FAM156A: variants seen among roughly 807,000 people sequenced by gnomAD.
FAM156A encodes the protein protein FAM156A/FAM156B.
chrX:52,984,975 A>T (rs1556794131), intron 1 of FAM156A, among the ~76,000 whole-genome samples: 1 of 111,718 alleles, frequency 9.0e-6, no homozygotes, highest in Non-Finnish European at 1.9e-5. Flanking sequence ...ATTCTCTCTC[A>T]GTAATATATA....
At chrX:52,973,392 A>T (rs1929187696) in intron 1 of FAM156A, among the ~76,000 whole-genome samples, 1 of 110,063 alleles carries the variant, frequency 9.1e-6, no homozygotes, top group South Asian at 3.9e-4. Context: ...CTACATACAG[A>T]GGAACAAATT....
intron 1 of FAM156A, among the ~76,000 whole-genome samples, chrX:52,990,201 G>A (rs1163068616): frequency 9.0e-6 from 1 of 111,285 alleles, no homozygotes; most frequent in East Asian, 2.8e-4. Context: ...AGGCTTTCCC[G>A]GTCTTGGAGA....
Position 52,986,182 on chromosome X carries a change from T to C in FAM156A, c.-434+9124A>G, listed in dbSNP as rs1480124353. 2.8e-5 allele frequency among the ~76,000 whole-genome samples: 3 copies of C among 108,642 alleles called. No individual in the cohort carries two copies. In the East Asian group the frequency reaches 8.5e-4, roughly 31 times the overall value. The allele number at this position is 108,642 out of a possible 115,157, so 94.3% of individuals were successfully genotyped here. The stretch of plus-strand genomic sequence containing the variant: ...AATGGTATTTCTAGTTCTAGATCCC[T>C]GAGGAATCGCCACACTGACTTCCCT... On this transcript the variant is annotated intron_variant, in intron 1 of 4. Transcript: ENST00000610625.
At chrX:52,982,883 C>T (rs1930007954) in intron 1 of FAM156A, among the ~76,000 whole-genome samples, 1 of 113,115 alleles carries the variant, frequency 8.8e-6, no homozygotes, top group South Asian at 3.6e-4. Context: ...CTGGTGACAG[C>T]TCTGCATTGA....
intron 1 of FAM156A, among the ~76,000 whole-genome samples, chrX:52,990,419 G>A (rs914526067): frequency 9.0e-6 from 1 of 111,486 alleles, no homozygotes; most frequent in Admixed American, 9.6e-5. Flanking sequence ...TGGAGGGGTT[G>A]TAGGATGTGG....
rs1556793467 is a variant in FAM156A at position 52,981,827 on chromosome X, T to TGC, written c.-434+13478_-434+13479insGC. Among the ~76,000 whole-genome samples, 52 of 110,474 alleles carry TGC rather than the reference T, an allele frequency of 4.7e-4. No individual in the cohort carries two copies. The East Asian group carries it at 0.012, about 26-fold the overall frequency. On this transcript the variant is annotated intron_variant, in intron 1 of 4. Transcript: ENST00000610625. Reference sequence around the variant, plus strand: ...TTTAGGAAGGCTGAATGAGGAGCTTTTTTTTTTTTTCAGGAAAAGGGGAAG... The same window carrying TGC: ...TTTAGGAAGGCTGAATGAGGAGCTTTGCTTTTTTTTTTCAGGAAAAGGGGAAG...
chrX:52,985,994 T>C (rs1930247141), intron 1 of FAM156A, among the ~76,000 whole-genome samples: 2 of 110,931 alleles, frequency 1.8e-5, no homozygotes, highest in South Asian at 7.5e-4. Flanking sequence ...TATTAAAAGA[T>C]GGAATTTTCT....
chrX:52,981,824 CT>C (rs1277409823), intron 1 of FAM156A, among the ~76,000 whole-genome samples: 84 of 100,758 alleles, frequency 8.3e-4, no homozygotes, highest in East Asian at 1.5e-3. Flanking sequence ...GAATGAGGAG[CT>C]TTTTTTTTTT....
At chrX:52,978,969 C>T (rs1222119695) in intron 1 of FAM156A, among the ~76,000 whole-genome samples, 3 of 112,130 alleles carry the variant, frequency 2.7e-5, no homozygotes, top group Non-Finnish European at 5.6e-5. Flanking sequence ...GAACTCACAC[C>T]CAGTGAGTCT....
intron 1 of FAM156A, among the ~76,000 whole-genome samples, chrX:52,993,020 C>T (rs1556795919): frequency 1.8e-5 from 2 of 111,610 alleles, no homozygotes; most frequent in Non-Finnish European, 3.8e-5. Context: ...AGCAGGAGAG[C>T]AGGCTCAGGG....
At chrX:52,984,622 C>T (rs1459653616) in intron 1 of FAM156A, among the ~76,000 whole-genome samples, 2 of 111,852 alleles carry the variant, frequency 1.8e-5, no homozygotes, top group South Asian at 7.4e-4. Flanking sequence ...AATCCCAGAA[C>T]TTTGGGAGGC....
At chrX:52,987,846 G>T (rs375775957) in intron 1 of FAM156A, among the ~76,000 whole-genome samples, 1 of 111,382 alleles carries the variant, frequency 9.0e-6, no homozygotes, top group East Asian at 2.8e-4. Flanking sequence ...AACTAGAAAT[G>T]ACCCAAATGT....
chrX:52,990,806 G>GAAAAGA (rs1371092695), intron 1 of FAM156A, among the ~76,000 whole-genome samples: 1 of 78,722 alleles, frequency 1.3e-5, no homozygotes, highest in Non-Finnish European at 2.5e-5. Flanking sequence ...AGAAAGAAAA[G>GAAAAGA]AAAAGAAAAG....
chrX:52,984,909 A>C (rs1556794121), intron 1 of FAM156A, among the ~76,000 whole-genome samples: 1 of 110,834 alleles, frequency 9.0e-6, no homozygotes, highest in African/African-American at 3.3e-5. Context: ...ACACAAAAGC[A>C]AAATCACACA....
At chrX:52,985,097 C>T (rs1443933934) in intron 1 of FAM156A, among the ~76,000 whole-genome samples, 2 of 110,582 alleles carry the variant, frequency 1.8e-5, no homozygotes, top group Admixed American at 1.9e-4. Context: ...TGAGGATATA[C>T]ATTCTTTTCT....
intron 1 of FAM156A, among the ~76,000 whole-genome samples, chrX:52,978,113 T>G (rs1469703983): frequency 8.9e-6 from 1 of 111,866 alleles, no homozygotes; most frequent in Non-Finnish European, 1.9e-5. Context: ...AAGCTCATGA[T>G]GATGAAACTC....
intron 1 of FAM156A, among the ~76,000 whole-genome samples, chrX:52,973,819 C>T (rs1365575567): frequency 8.1e-5 from 9 of 110,566 alleles, no homozygotes; most frequent in East Asian, 2.9e-4. Context: ...CACGCCGCCA[C>T]GCCTGGCTAA....
At chrX:52,986,572 T>C (rs1387561282) in intron 1 of FAM156A, among the ~76,000 whole-genome samples, 3 of 110,322 alleles carry the variant, frequency 2.7e-5, no homozygotes, top group Non-Finnish European at 5.7e-5. Context: ...CATATTAATA[T>C]ACCGAAAAAA....
intron 1 of FAM156A, among the ~76,000 whole-genome samples, chrX:52,983,028 G>C (rs886247245): frequency 5.3e-5 from 6 of 112,599 alleles, no homozygotes. Context: ...ACTAACATAA[G>C]GCAGATTGAG....
Sources: allele counts gnomAD v4.1 joint callset (sites outside exome capture counted in the v4.1 genomes callset), GRCh38; gene constraint gnomAD v4.1.1; transcripts MANE v1.5; gene names NCBI Gene and HGNC (gene_info 2026-07-23, HGNC 2026-07-21).